PACS1: variants seen among roughly 807,000 people sequenced by gnomAD.
PACS1 encodes the protein PACS-1.
PACS1 carries 24 observed loss-of-function variants against 115.0 expected under a neutral mutation model. The observed-to-expected ratio is 0.21, with a 90% CI of 0.15 to 0.29. PACS1 has a LOEUF of 0.29. PACS1 is among the 10% of genes least tolerant of loss of function. PACS1 has a pLI of 1.00. For missense variants in PACS1, 838 were observed against 1,251.2 expected (o/e 0.67, Z 4.98); for synonymous variants, 453 against 504.5 (o/e 0.90, Z 1.37).
At chr11:66,113,888 A>G (rs971122681) in intron 1 of PACS1, among the ~76,000 whole-genome samples, 2 of 152,176 alleles carry the variant, frequency 1.3e-5, no homozygotes, top group South Asian at 2.1e-4. Flanking sequence ...CAAGTGATAT[A>G]TGACCACAGC....
chr11:66,186,675 T>G (rs566414457), intron 1 of PACS1, among the ~76,000 whole-genome samples: 5 of 152,276 alleles, frequency 3.3e-5, no homozygotes, highest in Non-Finnish European at 7.3e-5. Context: ...TGCCTCATTA[T>G]AAGGCTGACA....
rs1353518780 is a variant in PACS1, at chr11:66,228,221, C to T, written c.1374+637C>T. Among the ~76,000 whole-genome samples, 5 of 151,886 alleles carry T rather than the reference C, an allele frequency of 3.3e-5. No individual in the cohort carries two copies. In the East Asian group the frequency reaches 5.8e-4, roughly 18 times the overall value. ...CATCTGAGCTGGGCTTTGCAGGTTA[C>T]GTCAAAGTTCATCCCGTGGGACCAG... On this transcript the variant is annotated intron_variant, in intron 11 of 23. Transcript: ENST00000320580.
intron 1 of PACS1, among the ~76,000 whole-genome samples, chr11:66,137,529 C>T (rs1269547525): frequency 6.6e-6 from 1 of 152,148 alleles, no homozygotes; most frequent in Non-Finnish European, 1.5e-5. Context: ...AATTTTTAAC[C>T]TAAATGTAAA....
chr11:66,073,617 G>A (rs1857348055), intron 1 of PACS1, among the ~76,000 whole-genome samples: 1 of 152,152 alleles, frequency 6.6e-6, no homozygotes, highest in African/African-American at 2.4e-5. Context: ...TCAGGTAGGT[G>A]TCTGCTCTTA....
intron 1 of PACS1, among the ~76,000 whole-genome samples, chr11:66,116,131 C>T (rs1282445312): frequency 6.6e-6 from 1 of 152,200 alleles, no homozygotes; most frequent in Non-Finnish European, 1.5e-5. Context: ...CCAGTGAAAC[C>T]TTCCTATTGC....
At chr11:66,113,605 C>T (rs1219730352) in intron 1 of PACS1, among the ~76,000 whole-genome samples, 1 of 152,182 alleles carries the variant, frequency 6.6e-6, no homozygotes, top group Non-Finnish European at 1.5e-5. Context: ...CTCTCAGTTC[C>T]TTTCGGTATG....
chr11:66,136,322 G>GTC (rs1220117336), intron 1 of PACS1, among the ~76,000 whole-genome samples: 4 of 60,312 alleles, frequency 6.6e-5, no homozygotes, highest in Admixed American at 5.9e-4. Context: ...CAATCCCACT[G>GTC]TCACACACAC....
At chr11:66,081,672 C>T (rs1284840965) in intron 1 of PACS1, among the ~76,000 whole-genome samples, 1 of 152,154 alleles carries the variant, frequency 6.6e-6, no homozygotes, top group Non-Finnish European at 1.5e-5. Context: ...AGAGATGGTA[C>T]AGGCCCCGCC....
intron 10 of PACS1, among the ~76,000 whole-genome samples, chr11:66,223,275 G>A (rs1431058320): frequency 6.6e-6 from 1 of 151,970 alleles, no homozygotes; most frequent in African/African-American, 2.4e-5. Flanking sequence ...TGTATTTTTA[G>A]TAGAGATGGG....
intron 1 of PACS1, among the ~76,000 whole-genome samples, chr11:66,187,769 G>A (rs1373418500): frequency 6.6e-6 from 1 of 152,150 alleles, no homozygotes; most frequent in African/African-American, 2.4e-5. Context: ...GGTAAACATG[G>A]GGGTCTGCAT....
At position 66,243,414 on chromosome 11, in the gene PACS1, C is replaced by T. The variant is rs11547810; in HGVS notation, c.*134C>T. On this transcript the variant is annotated 3_prime_UTR_variant, in exon 24 of 24. Transcript: ENST00000320580. ...GGTCTGCCTCTCACTCGCCCAGGTC[C>T]CGAAGGACACTGCCACAGGGACGCC... 1.1e-5 allele frequency: 7 copies of T among 645,430 alleles called. No homozygotes were observed. Among genetic ancestry groups the T allele is most frequent in the South Asian group, 3.6e-5 (2 of 56,256 alleles). The allele number at this position is 645,430 out of a possible 1,614,324, so 40.0% of individuals were successfully genotyped here. A position where few individuals can be genotyped will look rare whatever the true frequency, so the allele number is the denominator to read the frequency against.
intron 1 of PACS1, among the ~76,000 whole-genome samples, chr11:66,170,277 CTTA>C (rs1383424129): frequency 6.6e-6 from 1 of 150,446 alleles, no homozygotes; most frequent in East Asian, 1.9e-4. Context: ...GATTTTTAGG[CTTA>C]TTTGGCTGTC....
chr11:66,081,537 A>G (rs566069386), intron 1 of PACS1, among the ~76,000 whole-genome samples: 10 of 152,210 alleles, frequency 6.6e-5, no homozygotes, highest in Admixed American at 1.3e-4. Flanking sequence ...GGTTCACCTG[A>G]GGCACAGATC....
At chr11:66,217,069 G>A (rs905052525) in intron 7 of PACS1, 4 of 410,942 alleles carry the variant, frequency 9.7e-6, no homozygotes, top group East Asian at 5.3e-5. Flanking sequence ...GGAACAGACC[G>A]CCTCCCACCC....
chr11:66,235,462 A>G lies in PACS1; in HGVS notation c.2207+59A>G. On this transcript the variant is annotated intron_variant, in intron 18 of 23. Coordinates refer to ENST00000320580, the MANE Select transcript of PACS1 (RefSeq NM_018026.4). The surrounding 1 kb of genome is among the most constrained non-coding windows in gnomAD (Gnocchi z 5.6). The stretch of plus-strand genomic sequence containing the variant: ...GGTTGGGTGGGTTAGAGGAATCTTG[A>G]GTCTTCCTTGCTTTCTCACATTTTC... 8.3e-7 allele frequency: 1 copy of G among 1,198,288 alleles called. No individual in the cohort carries two copies. The highest frequency in any genetic ancestry group is 1.2e-6 in the Non-Finnish European group (1 of 807,214). The allele number at this position is 1,198,288 out of a possible 1,614,324, so 74.2% of individuals were successfully genotyped here. A position where few individuals can be genotyped will look rare whatever the true frequency, so the allele number is the denominator to read the frequency against.
intron 1 of PACS1, among the ~76,000 whole-genome samples, chr11:66,149,251 A>G (rs1346007489): frequency 1.3e-5 from 2 of 151,382 alleles, no homozygotes; most frequent in East Asian, 2.0e-4. Context: ...GCCACCACAC[A>G]TGACTAATTT....
intron 1 of PACS1, among the ~76,000 whole-genome samples, chr11:66,119,994 C>T (rs932561252): frequency 2.0e-5 from 3 of 152,144 alleles, no homozygotes; most frequent in Non-Finnish European, 4.4e-5. Context: ...AGACCTTGAG[C>T]AGCTTATCTA....
intron 2 of PACS1, among the ~76,000 whole-genome samples, chr11:66,202,726 G>A (rs1590815835): frequency 6.4e-4 from 7 of 10,960 alleles, no homozygotes; most frequent in Admixed American, 1.9e-3. Flanking sequence ...TCATCTCTAG[G>A]AAAAAAAAAA....
At position 66,214,032 on chromosome 11, in the gene PACS1, C is replaced by CAAAAAA. The variant is rs71036278; in HGVS notation, c.661-2067_661-2062dup. On this transcript the variant is annotated intron_variant, in intron 4 of 23. Transcript: ENST00000320580. ...TGGGCGACAGCGCGAGACTCCATCT[C>CAAAAAA]AAAAAAAAAAAAAAAAAAAAAAAAA... Among the ~76,000 whole-genome samples, 16 of 42,952 alleles carry CAAAAAA rather than the reference C, an allele frequency of 3.7e-4. No homozygotes were observed. In the South Asian group the frequency reaches 5.3e-3, roughly 14 times the overall value. The allele number at this position is 42,952 out of a possible 152,430, so 28.2% of individuals were successfully genotyped here.
Sources: gnomAD v4.1 joint callset for allele counts (sites outside exome capture counted in the v4.1 genomes callset) on GRCh38, gnomAD v4.1.1 for gene constraint, Gnocchi (gnomAD v3.1) non-coding constraint, MANE v1.5 for transcripts, NCBI Gene and HGNC (gene_info 2026-07-23, HGNC 2026-07-21) for gene names.